The following FCHSD2 variants were observed in gnomAD, a reference collection of about 807,000 sequenced individuals.
The protein encoded by FCHSD2 is F-BAR and double SH3 domains protein 2.
FCHSD2 carries 38 observed loss-of-function variants against 108.1 expected under a neutral mutation model. That is an observed-to-expected ratio of 0.35 (90% CI 0.27 to 0.46). The LOEUF is 0.46. Among genes scored for constraint, FCHSD2 ranks in the 20% least tolerant of loss-of-function variants. FCHSD2 has a pLI of 1.00. For missense variants in FCHSD2, 751 were observed against 897.8 expected (o/e 0.84, Z 2.09); for synonymous variants, 279 against 314.7 (o/e 0.89, Z 1.20).
At chr11:72,916,502 A>G (rs1212993407) in intron 9 of FCHSD2, among the ~76,000 whole-genome samples, 1 of 151,840 alleles carries the variant, frequency 6.6e-6, no homozygotes, top group Admixed American at 6.6e-5. Context: ...TTTTGTAGAG[A>G]TAGGGTCTTG....
Position 73,070,821 on chromosome 11 carries a change from C to T in FCHSD2, c.165+12874G>A, listed in dbSNP as rs567226003. ...CATTCACTTAATAACTAACCAACAC[C>T]TCAGTGGTTAGTTAAGTGAGGTTTA... is the stretch of plus-strand genomic sequence containing the variant. On this transcript the variant is annotated intron_variant, in intron 3 of 19. Coordinates refer to ENST00000409418, the MANE Select transcript of FCHSD2 (RefSeq NM_014824.3). 1.6e-4 allele frequency among the ~76,000 whole-genome samples: 24 copies of T among 151,956 alleles called. No individual in the cohort carries two copies. In the South Asian group the frequency reaches 4.6e-3, roughly 29 times the overall value.
chr11:73,126,021 T>G (rs1008285821), intron 2 of FCHSD2, among the ~76,000 whole-genome samples: 9 of 151,984 alleles, frequency 5.9e-5, no homozygotes, highest in Admixed American at 2.0e-4. Context: ...CAAGACTCTA[T>G]CTAATATGTT....
chr11:72,930,130 G>C (rs1210537383), intron 8 of FCHSD2, among the ~76,000 whole-genome samples: 1 of 152,190 alleles, frequency 6.6e-6, no homozygotes, highest in Non-Finnish European at 1.5e-5. Context: ...TAAATCAATT[G>C]AGGGGCCAGG....
chr11:73,125,288 CATT>C (rs1183362429), intron 2 of FCHSD2, among the ~76,000 whole-genome samples: 1 of 152,214 alleles, frequency 6.6e-6, no homozygotes, highest in Non-Finnish European at 1.5e-5. Context: ...AGAAAACTAA[CATT>C]ATATTACGAG....
At chr11:73,081,154 GACCAGGC>G (rs1859675099) in intron 3 of FCHSD2, among the ~76,000 whole-genome samples, 1 of 151,894 alleles carries the variant, frequency 6.6e-6, no homozygotes, top group Non-Finnish European at 1.5e-5. Context: ...ACTTTAAATC[GACCAGGC>G]ACTGTGGCTC....
intron 12 of FCHSD2, among the ~76,000 whole-genome samples, chr11:72,870,137 T>C (rs1378285020): frequency 6.6e-6 from 1 of 152,172 alleles, no homozygotes; most frequent in African/African-American, 2.4e-5. Flanking sequence ...AGTGCTTATC[T>C]TTTGACGGTC....
intron 18 of FCHSD2, 50 bp downstream of exon 18, chr11:72,841,403 AG>A (rs1860935611): frequency 1.0e-6 from 1 of 979,254 alleles, no homozygotes; most frequent in East Asian, 4.0e-5. Flanking sequence ...GCGAATATGT[AG>A]GTTTCTGAAG....
chr11:73,059,719 T>TC (rs1859116540), intron 3 of FCHSD2, among the ~76,000 whole-genome samples: 1 of 151,008 alleles, frequency 6.6e-6, no homozygotes, highest in Admixed American at 6.6e-5. Flanking sequence ...AGGTTTTCTT[T>TC]CTTTTTTTTT....
intron 13 of FCHSD2, among the ~76,000 whole-genome samples, chr11:72,867,236 A>G (rs920791593): frequency 6.6e-6 from 1 of 152,236 alleles, no homozygotes; most frequent in African/African-American, 2.4e-5. Flanking sequence ...AATATCAGGC[A>G]AATCAACCGA....
chr11:73,134,375 T>C (rs1055448530), intron 2 of FCHSD2, among the ~76,000 whole-genome samples: 3 of 151,858 alleles, frequency 2.0e-5, no homozygotes, highest in African/African-American at 4.8e-5. Context: ...GAGGCTGAGG[T>C]AGAAGGATCA....
At chr11:73,083,549 G>C in intron 3 of FCHSD2, 146 bp downstream of exon 3, 1 of 579,588 alleles carries the variant, frequency 1.7e-6, no homozygotes. Context: ...CTCCATCTCA[G>C]AAAAAAAGAA....
At chr11:73,117,369 C>T (rs1360833125) in intron 2 of FCHSD2, among the ~76,000 whole-genome samples, 1 of 152,122 alleles carries the variant, frequency 6.6e-6, no homozygotes, top group Non-Finnish European at 1.5e-5. Flanking sequence ...CATAATAATG[C>T]ATGATTTATA....
At chr11:73,049,827 T>C (rs1858856511) in intron 3 of FCHSD2, among the ~76,000 whole-genome samples, 1 of 151,994 alleles carries the variant, frequency 6.6e-6, no homozygotes, top group South Asian at 2.1e-4. Context: ...GAGGATAAAA[T>C]TTTGTGAAAT....
intron 8 of FCHSD2, among the ~76,000 whole-genome samples, chr11:72,959,220 CTTTTTTTTTTTTTTT>C (rs11408216): frequency 5.3e-5 from 3 of 56,294 alleles, no homozygotes; most frequent in African/African-American, 2.1e-4. Flanking sequence ...ATCCAGCAGT[CTTTTTTTTTTTTTTT>C]TTTTTTTTTT....
At chr11:72,891,976 A>G (rs777692992) in intron 10 of FCHSD2, among the ~76,000 whole-genome samples, 14 of 152,236 alleles carry the variant, frequency 9.2e-5, no homozygotes, top group Admixed American at 2.0e-4. Flanking sequence ...GAAAATCCAG[A>G]TAATTCCTAG....
At position 72,849,739 on chromosome 11, in the gene FCHSD2, T is replaced by C. The variant is rs754573245; in HGVS notation, c.1443+16A>G. The stretch of plus-strand genomic sequence containing the variant: ...TTAATCAGAATTTAATAACATTATG[T>C]TGGAGAAATACAAACCTTGTAGGAA... On this transcript the variant is annotated intron_variant, in intron 14 of 19. Transcript: ENST00000409418. 1.9e-6 allele frequency: 3 copies of C among 1,588,858 alleles called. No homozygotes were observed. Among genetic ancestry groups the C allele is most frequent in the Non-Finnish European group, 2.6e-6 (3 of 1,158,990 alleles).
intron 10 of FCHSD2, among the ~76,000 whole-genome samples, chr11:72,900,778 A>G (rs192139113): frequency 1.3e-5 from 2 of 152,356 alleles, no homozygotes; most frequent in East Asian, 3.9e-4. Context: ...TACTTAAAGT[A>G]TAAGAAAAGT....
intron 17 of FCHSD2, 35 bp downstream of exon 17, chr11:72,842,586 C>T: frequency 6.2e-7 from 1 of 1,612,210 alleles, no homozygotes; most frequent in Non-Finnish European, 8.5e-7. Context: ...TTTCTTTAAA[C>T]ATCTTTTAAT....
intron 9 of FCHSD2, among the ~76,000 whole-genome samples, chr11:72,911,209 T>C (rs1855758341): frequency 6.6e-6 from 1 of 152,234 alleles, no homozygotes; most frequent in Non-Finnish European, 1.5e-5. Context: ...CATATGAATA[T>C]ATCCAGTTTC....
Sources: gnomAD v4.1 joint callset for allele counts (sites outside exome capture counted in the v4.1 genomes callset) on GRCh38, gnomAD v4.1.1 for gene constraint, MANE v1.5 for transcripts, NCBI Gene and HGNC (gene_info 2026-07-23, HGNC 2026-07-21) for gene names.